Variants in EFNA5 observed in about 807,000 individuals in gnomAD.
EFNA5 encodes ephrin A5, also known as ephrin-A5.
A neutral mutation model predicts 22.9 loss-of-function variants in EFNA5; 5 were observed. The ratio of observed to expected loss-of-function variants is 0.22; its 90% confidence interval spans 0.11 to 0.46. EFNA5 has a LOEUF of 0.46. Among genes scored for constraint, EFNA5 ranks in the 20% least tolerant of loss-of-function variants. The pLI, the probability that EFNA5 is intolerant of heterozygous loss-of-function variation, is 0.99. For missense variants in EFNA5, 237 were observed against 293.3 expected (o/e 0.81, Z 1.40); for synonymous variants, 113 against 112.2 (o/e 1.01, Z -0.04).
intron 1 of EFNA5, among the ~76,000 whole-genome samples, chr5:107,605,444 G>A (rs771403226): frequency 3.3e-5 from 5 of 152,016 alleles, no homozygotes; most frequent in African/African-American, 9.7e-5. Context: ...GTTAGCAGAC[G>A]GCTGTCATGA....
intron 1 of EFNA5, among the ~76,000 whole-genome samples, chr5:107,517,580 A>G (rs150098906): frequency 2.2e-3 from 339 of 152,336 alleles, no homozygotes; most frequent in Non-Finnish European, 2.6e-3. Context: ...TGTGTGCCCA[A>G]TAAAGATCTT....
intron 1 of EFNA5, among the ~76,000 whole-genome samples, chr5:107,491,008 A>G (rs1056077955): frequency 6.6e-6 from 1 of 152,214 alleles, no homozygotes; most frequent in African/African-American, 2.4e-5. Flanking sequence ...TACTTGCTTA[A>G]GGCTTAAGAA....
intron 1 of EFNA5, among the ~76,000 whole-genome samples, chr5:107,502,499 C>G (rs1231279129): frequency 6.6e-6 from 1 of 152,120 alleles, no homozygotes; most frequent in African/African-American, 2.4e-5. Flanking sequence ...ATTGCTGTGG[C>G]GGTTTACTCA....
chr5:107,502,610 C>CACAT (rs1211775503), intron 1 of EFNA5, among the ~76,000 whole-genome samples: 2 of 152,172 alleles, frequency 1.3e-5, no homozygotes, highest in African/African-American at 2.4e-5. Flanking sequence ...TATATACACA[C>CACAT]ACATACATAC....
intron 1 of EFNA5, among the ~76,000 whole-genome samples, chr5:107,530,208 G>A (rs1747780353): frequency 6.6e-6 from 1 of 152,204 alleles, no homozygotes; most frequent in Non-Finnish European, 1.5e-5. Flanking sequence ...GCTCATTGTA[G>A]TAACTCAGGG....
chr5:107,634,674 TAA>T (rs1421147705), intron 1 of EFNA5, among the ~76,000 whole-genome samples: 1 of 146,104 alleles, frequency 6.8e-6, no homozygotes, highest in African/African-American at 2.4e-5. Flanking sequence ...ATAGGCAGAC[TAA>T]GTTTTAACCT....
At chr5:107,556,913 A>T (rs1394375795) in intron 1 of EFNA5, among the ~76,000 whole-genome samples, 1 of 152,010 alleles carries the variant, frequency 6.6e-6, no homozygotes, top group Non-Finnish European at 1.5e-5. Context: ...AAGCCACAGG[A>T]AGACTTTTTT....
At chr5:107,515,362 T>TTTTTTATTATTA (rs71624878) in intron 1 of EFNA5, among the ~76,000 whole-genome samples, 28 of 141,312 alleles carry the variant, frequency 2.0e-4, no homozygotes, top group African/African-American at 6.8e-4. Context: ...TATTTTTTAT[T>TTTTTTATTATTA]TTATTATTAT....
intron 1 of EFNA5, among the ~76,000 whole-genome samples, chr5:107,511,535 C>T (rs1747370550): frequency 6.6e-6 from 1 of 151,940 alleles, no homozygotes. Flanking sequence ...AAATGGTATC[C>T]TAAAAAATAC....
At chr5:107,583,801 T>C (rs1426316353) in intron 1 of EFNA5, among the ~76,000 whole-genome samples, 1 of 152,244 alleles carries the variant, frequency 6.6e-6, no homozygotes, top group Admixed American at 6.5e-5. Flanking sequence ...CAATCTTTTA[T>C]TTGATCATTT....
intron 1 of EFNA5, among the ~76,000 whole-genome samples, chr5:107,610,350 C>T (rs1749802334): frequency 6.6e-6 from 1 of 152,344 alleles, no homozygotes; most frequent in Admixed American, 6.5e-5. Flanking sequence ...AGCCTCACGG[C>T]GCACCCGCCC....
chr5:107,548,066 G>C (rs772681946), intron 1 of EFNA5, among the ~76,000 whole-genome samples: 3 of 152,100 alleles, frequency 2.0e-5, no homozygotes, highest in Non-Finnish European at 4.4e-5. Flanking sequence ...AAAGATTCTA[G>C]AAGAAGCCAT....
chr5:107,403,176 AAGG>A (rs1748128655), intron 2 of EFNA5, among the ~76,000 whole-genome samples: 1 of 152,210 alleles, frequency 6.6e-6, no homozygotes, highest in Non-Finnish European at 1.5e-5. Context: ...AGGGAAGCAG[AAGG>A]AGTGTTTACT....
intron 1 of EFNA5, among the ~76,000 whole-genome samples, chr5:107,474,259 G>A (rs940584414): frequency 2.0e-5 from 3 of 152,168 alleles, no homozygotes; most frequent in African/African-American, 4.8e-5. Context: ...TGTACACCAG[G>A]TCTGATTTTC....
intron 2 of EFNA5, among the ~76,000 whole-genome samples, chr5:107,415,647 C>A (rs1331494742): frequency 6.6e-6 from 1 of 152,176 alleles, no homozygotes; most frequent in Non-Finnish European, 1.5e-5. Flanking sequence ...CACATGGCTG[C>A]TACAATTCCT....
chr5:107,532,736 C>T (rs1395040522), intron 1 of EFNA5, among the ~76,000 whole-genome samples: 2 of 152,146 alleles, frequency 1.3e-5, no homozygotes, highest in Non-Finnish European at 1.5e-5. Context: ...CTGACAAAAG[C>T]GATTCGTCAA....
At chr5:107,415,322 ATAC>A (rs1234570581) in intron 2 of EFNA5, among the ~76,000 whole-genome samples, 1 of 152,216 alleles carries the variant, frequency 6.6e-6, no homozygotes, top group African/African-American at 2.4e-5. Flanking sequence ...CTTTAAGAAT[ATAC>A]TACTACTCCC....
chr5:107,621,315 G>C (rs1370104980), intron 1 of EFNA5, among the ~76,000 whole-genome samples: 1 of 152,156 alleles, frequency 6.6e-6, no homozygotes, highest in Non-Finnish European at 1.5e-5. Flanking sequence ...CTCAGCACTG[G>C]CAAGAATCCT....
chr5:107,651,372 G>C (rs752795963), intron 1 of EFNA5, among the ~76,000 whole-genome samples: 1 of 152,080 alleles, frequency 6.6e-6, no homozygotes, highest in Non-Finnish European at 1.5e-5. Context: ...ATTCCTAGAG[G>C]GGCACATAAG....
Sources: gnomAD v4.1 joint callset for allele counts (sites outside exome capture counted in the v4.1 genomes callset) on GRCh38, gnomAD v4.1.1 for gene constraint, MANE v1.5 for transcripts, NCBI Gene and HGNC (gene_info 2026-07-23, HGNC 2026-07-21) for gene names.